Variants in ARSB observed in about 807,000 individuals in gnomAD.
ARSB encodes N-acetylgalactosamine-4-sulfatase.
Under a neutral mutation model 50.9 loss-of-function variants are expected in ARSB, and 41 were observed. The observed-to-expected ratio is 0.81, with a 90% CI of 0.63 to 1.04. The LOEUF (loss-of-function observed/expected upper bound fraction) is 1.04, where lower values mean the gene tolerates loss of function less well. Ranked by LOEUF, ARSB falls within the 50% of genes least tolerant of loss-of-function variation. ARSB has a pLI of 0.00. For synonymous variants in ARSB, 269 were observed against 284.8 expected, an observed-to-expected ratio of 0.94 and a Z score of 0.56; for missense variants, 672 against 693.3, an observed-to-expected ratio of 0.97 and a Z score of 0.35.
chr5:78,859,586 A>G (rs1224601692), intron 5 of ARSB, among the ~76,000 whole-genome samples: 1 of 152,188 alleles, frequency 6.6e-6, no homozygotes, highest in Non-Finnish European at 1.5e-5. Context: ...ACTAATGCCA[A>G]TGCTGAAGAG....
intron 5 of ARSB, among the ~76,000 whole-genome samples, chr5:78,867,526 C>A (rs1048299020): frequency 2.6e-5 from 4 of 152,152 alleles, no homozygotes; most frequent in African/African-American, 9.7e-5. Context: ...CCCCGAGCAG[C>A]CTAACTGGGA....
At chr5:78,876,914 G>A (rs1057462660) in intron 5 of ARSB, among the ~76,000 whole-genome samples, 1 of 152,140 alleles carries the variant, frequency 6.6e-6, no homozygotes, top group South Asian at 2.1e-4. Context: ...CTGCGCATGC[G>A]AGGGATCTAC....
intron 4 of ARSB, among the ~76,000 whole-genome samples, chr5:78,920,478 G>C (rs182438800): frequency 2.0e-4 from 30 of 152,262 alleles, no homozygotes; most frequent in African/African-American, 6.5e-4. Flanking sequence ...ACTTCAAACA[G>C]GAGACAGGAT....
chr5:78,850,337 T>C (rs1435819038), intron 5 of ARSB, among the ~76,000 whole-genome samples: 3 of 152,236 alleles, frequency 2.0e-5, no homozygotes, highest in Admixed American at 6.5e-5. Context: ...TTGTCTTTGG[T>C]TCTGGTTATA....
intron 4 of ARSB, among the ~76,000 whole-genome samples, chr5:78,904,068 C>T (rs1271209497): frequency 6.6e-6 from 1 of 152,100 alleles, no homozygotes; most frequent in African/African-American, 2.4e-5. Flanking sequence ...TTGCTTTTTC[C>T]AGAATGTCAT....
intron 4 of ARSB, among the ~76,000 whole-genome samples, chr5:78,929,809 A>T (rs1750235808): frequency 1.3e-5 from 2 of 151,440 alleles, no homozygotes; most frequent in African/African-American, 4.9e-5. Flanking sequence ...AAAAAAAAAA[A>T]AAGAGGGAGA....
At chr5:78,927,872 G>T (rs530833597) in intron 4 of ARSB, among the ~76,000 whole-genome samples, 6 of 152,292 alleles carry the variant, frequency 3.9e-5, no homozygotes, top group African/African-American at 9.6e-5. Context: ...GCTGAGACAG[G>T]AATGTCATGC....
intron 4 of ARSB, among the ~76,000 whole-genome samples, chr5:78,949,813 G>C (rs1257724416): frequency 6.6e-6 from 1 of 152,178 alleles, no homozygotes; most frequent in Non-Finnish European, 1.5e-5. Context: ...GGGAGGCTGA[G>C]GCAGGAGAAT....
chr5:78,839,783 G>A lies in ARSB; in HGVS notation c.1143-357C>T, dbSNP rs184692960. Reference sequence around the variant, plus strand: ...TATAGACTTCATACTGAACACTTACGAGTAAATGAAGAAACTGCATCTGCC... The same window carrying A: ...TATAGACTTCATACTGAACACTTACAAGTAAATGAAGAAACTGCATCTGCC... On this transcript the variant is annotated intron_variant, in intron 5 of 7. Transcript: ENST00000264914. Among the ~76,000 whole-genome samples, 9 of 152,276 alleles carry A rather than the reference G, an allele frequency of 5.9e-5. No individual in the cohort carries two copies. The South Asian group carries it at 8.3e-4, about 14-fold the overall frequency.
At chr5:78,907,632 T>G (rs184446443) in intron 4 of ARSB, among the ~76,000 whole-genome samples, 1 of 152,320 alleles carries the variant, frequency 6.6e-6, no homozygotes, top group Non-Finnish European at 1.5e-5. Flanking sequence ...TATTATATTT[T>G]TTAAAATTTT....
In ARSB at chr5:78,780,534, T is replaced by C. The variant is rs957444956; in HGVS notation, c.1465A>G (p.Arg489Gly). 9 of 1,614,034 alleles carry C rather than the reference T, an allele frequency of 5.6e-6. No individual in the cohort carries two copies. The highest frequency in any genetic ancestry group is 7.6e-6 in the Non-Finnish European group (9 of 1,180,024). ...TTTGTGACGATGTGAGGATATTCTC[T>C]GGACAGGTCATGTCTTTCTTCAGGG... ...RDPEERHDLS[R>G]EYPHIVTKLL... is the part of the protein sequence containing the mutation. Residue 489 changes from arginine to glycine, a missense_variant, in exon 8 of 8, where the codon AGA becomes GGA. By Grantham distance (125) the Arg-to-Gly change is moderately radical. Coordinates refer to ENST00000264914, the MANE Select transcript of ARSB (RefSeq NM_000046.5).
chr5:78,955,583 C>T (rs979112833), intron 3 of ARSB, 81 bp from the exon 4 acceptor site: 13 of 1,178,660 alleles, frequency 1.1e-5, no homozygotes, highest in Non-Finnish European at 1.6e-5. Context: ...CAGATTTATG[C>T]ATTAATAAAA....
Position 78,780,592 on chromosome 5 carries a change from G to C in ARSB, c.1407C>G (p.Thr469=), listed in dbSNP as rs1748897822. 1 of 1,613,976 alleles carries C rather than the reference G, an allele frequency of 6.2e-7. No homozygotes were observed. The highest frequency in any genetic ancestry group is 1.3e-5 in the African/African-American group (1 of 74,892). ...VSEIPSSDPP[T]KTLWLFDIDR... is the part of the protein sequence containing the mutation. ...CAATATCAAAGAGCCAGAGGGTCTTGGTTGGTGGGTCTGATGAGGGTATCT... is the reference window on the plus strand; with the variant it reads ...CAATATCAAAGAGCCAGAGGGTCTTCGTTGGTGGGTCTGATGAGGGTATCT... Residue 469 remains threonine (T), a synonymous_variant, in exon 8 of 8, where the codon ACC becomes ACG. Coordinates refer to ENST00000264914, the MANE Select transcript of ARSB (RefSeq NM_000046.5).
intron 4 of ARSB, among the ~76,000 whole-genome samples, chr5:78,952,633 A>T (rs1751535415): frequency 6.6e-6 from 1 of 152,188 alleles, no homozygotes; most frequent in African/African-American, 2.4e-5. Context: ...CACCAGACCC[A>T]GCCTCCCATG....
intron 4 of ARSB, among the ~76,000 whole-genome samples, chr5:78,899,530 T>C (rs1437259605): frequency 6.6e-6 from 1 of 152,196 alleles, no homozygotes; most frequent in Non-Finnish European, 1.5e-5. Flanking sequence ...TCTTTTTTCT[T>C]CTCTGATTGT....
intron 5 of ARSB, among the ~76,000 whole-genome samples, chr5:78,841,173 A>AATAATAATAATAATAATAATAATAATC (rs67046084): frequency 4.7e-5 from 7 of 149,882 alleles, no homozygotes; most frequent in Non-Finnish European, 1.0e-4. Flanking sequence ...TACTACTAAT[A>AATAATAATAATAATAATAATAATAATC]ATAATAATAA....
rs529286644 is a variant in ARSB, at chr5:78,966,757, T to C, written c.500-2151A>G. 1.5e-4 allele frequency among the ~76,000 whole-genome samples: 23 copies of C among 152,308 alleles called. 1 individual carries two copies. The South Asian group carries it at 4.6e-3, about 30-fold the overall frequency. ...TTCAAAATATCTACAGCCCATCCTC[T>C]TCCCAGAGTATAGATATTGACTCAT... On this transcript the variant is annotated intron_variant, in intron 2 of 7. Transcript: ENST00000264914.
chr5:78,968,551 G>A (rs1055639842), intron 2 of ARSB, among the ~76,000 whole-genome samples: 7 of 151,832 alleles, frequency 4.6e-5, no homozygotes, highest in Admixed American at 1.3e-4. Context: ...GAGTTTCACC[G>A]TGTTAGTCAG....
intron 4 of ARSB, among the ~76,000 whole-genome samples, chr5:78,890,399 T>C (rs190448655): frequency 1.3e-5 from 2 of 152,156 alleles, no homozygotes; most frequent in East Asian, 3.9e-4. Context: ...TACAAGTGTG[T>C]GCCACCACGC....
Sources: gnomAD v4.1 joint callset for allele counts (sites outside exome capture counted in the v4.1 genomes callset) on GRCh38, gnomAD v4.1.1 for gene constraint, MANE v1.5 for transcripts, NCBI Gene and HGNC (gene_info 2026-07-23, HGNC 2026-07-21) for gene names.